Variants in GRIP1 observed in about 807,000 individuals in gnomAD.
GRIP1 encodes glutamate receptor interacting protein 1.
GRIP1 carries 45 observed loss-of-function variants against 129.9 expected under a neutral mutation model. That is an observed-to-expected ratio of 0.35 (90% CI 0.27 to 0.44). GRIP1 has a LOEUF of 0.44. Among genes scored for constraint, GRIP1 ranks in the 20% least tolerant of loss-of-function variants. The pLI, the probability that GRIP1 is intolerant of heterozygous loss-of-function variation, is 1.00. For synonymous variants in GRIP1, 530 were observed against 520.8 expected (o/e 1.02, Z -0.24); for missense variants, 1,196 against 1,396.8 (o/e 0.86, Z 2.29).
intron 1 of GRIP1, among the ~76,000 whole-genome samples, chr12:66,856,630 C>T (rs2137099020): frequency 6.6e-6 from 1 of 151,818 alleles, no homozygotes. Flanking sequence ...AAATGCTCAT[C>T]ATCACTGGCC....
At chr12:66,919,415 A>T (rs1285184976) in intron 1 of GRIP1, among the ~76,000 whole-genome samples, 1 of 152,186 alleles carries the variant, frequency 6.6e-6, no homozygotes, top group East Asian at 1.9e-4. Context: ...TCATGTAAAG[A>T]GCAAGGTGGA....
At position 66,465,751 on chromosome 12, in the gene GRIP1, C is replaced by T. The variant is rs185540243; in HGVS notation, c.725-329G>A. Among the ~76,000 whole-genome samples the T allele has an allele frequency of 3.0e-4, 46 of 152,242 alleles. 1 individual carries two copies. The highest frequency in any genetic ancestry group is 1.0e-3 in the African/African-American group (43 of 41,538). On this transcript the variant is annotated intron_variant, in intron 7 of 24. Coordinates refer to ENST00000359742, the MANE Select transcript of GRIP1 (RefSeq NM_001366722.1). Reference sequence around the variant, plus strand: ...GCACAATGCCGAGCATATACTAGGTCTCTCAGTAAAGGTTTTTTAAATTAA... The same window carrying T: ...GCACAATGCCGAGCATATACTAGGTTTCTCAGTAAAGGTTTTTTAAATTAA...
chr12:66,890,243 A>C (rs1469801312), intron 1 of GRIP1, among the ~76,000 whole-genome samples: 2 of 152,174 alleles, frequency 1.3e-5, no homozygotes, highest in Admixed American at 1.3e-4. Flanking sequence ...CAGAGAACTT[A>C]AAATGCTCGT....
At chr12:66,443,366 T>C (rs912548999) in intron 13 of GRIP1, among the ~76,000 whole-genome samples, 1 of 152,196 alleles carries the variant, frequency 6.6e-6, no homozygotes, top group Admixed American at 6.5e-5. Flanking sequence ...CCTCTGGCTA[T>C]AAATTCCCAA....
At position 66,493,857 on chromosome 12, in the gene GRIP1, A is replaced by C. The variant is rs1317229029; in HGVS notation, c.724+21762T>G. On this transcript the variant is annotated intron_variant, in intron 7 of 24. Coordinates refer to ENST00000359742, the MANE Select transcript of GRIP1 (RefSeq NM_001366722.1). ...GAACACAGACTCTAAATTGGGAGTA[A>C]ACCTGTGTTCCTTTTCCTGGGCTGC... Among the ~76,000 whole-genome samples the C allele has an allele frequency of 2.0e-5, 3 of 152,262 alleles. No individual in the cohort carries two copies. In the East Asian group the frequency reaches 5.8e-4, roughly 29 times the overall value.
intron 1 of GRIP1, among the ~76,000 whole-genome samples, chr12:66,974,853 G>C (rs1204920228): frequency 6.6e-6 from 1 of 152,062 alleles, no homozygotes; most frequent in African/African-American, 2.4e-5. Flanking sequence ...GACGTAAAAG[G>C]GATCCTCGAA....
chr12:66,725,325 C>T (rs946423559), intron 1 of GRIP1, among the ~76,000 whole-genome samples: 1 of 151,726 alleles, frequency 6.6e-6, no homozygotes, highest in Non-Finnish European at 1.5e-5. Flanking sequence ...AAATCGAAAA[C>T]AAACAAAAAT....
At chr12:66,398,371 C>G (rs1430245560) in intron 16 of GRIP1, among the ~76,000 whole-genome samples, 6 of 151,972 alleles carry the variant, frequency 3.9e-5, no homozygotes, top group East Asian at 1.9e-4. Context: ...TCCCCCATCC[C>G]AATCCAATCT....
At chr12:66,561,366 G>C (rs2062521649) in intron 2 of GRIP1, among the ~76,000 whole-genome samples, 1 of 152,130 alleles carries the variant, frequency 6.6e-6, no homozygotes, top group African/African-American at 2.4e-5. Context: ...ATAAGTGCTT[G>C]AGGTGATGGA....
intron 1 of GRIP1, among the ~76,000 whole-genome samples, chr12:66,837,938 A>G (rs1261055022): frequency 6.6e-6 from 1 of 152,202 alleles, no homozygotes; most frequent in African/African-American, 2.4e-5. Context: ...CCACACCTGT[A>G]ATCCCAGCAC....
intron 1 of GRIP1, among the ~76,000 whole-genome samples, chr12:67,047,920 T>C (rs1449164462): frequency 1.3e-5 from 2 of 152,206 alleles, no homozygotes; most frequent in East Asian, 3.8e-4. Context: ...GCCTCTTTTT[T>C]ATAAAGCTTT....
intron 1 of GRIP1, among the ~76,000 whole-genome samples, chr12:66,735,065 C>T (rs1378070056): frequency 7.9e-5 from 12 of 152,162 alleles, no homozygotes. Flanking sequence ...TGTCCTTGCA[C>T]AGTTTCTCCA....
chr12:66,394,110 A>G (rs2056699459), intron 17 of GRIP1, 98 bp downstream of exon 17: 10 of 1,188,070 alleles, frequency 8.4e-6, no homozygotes, highest in Non-Finnish European at 1.3e-5. Context: ...TTAAAAGCCA[A>G]CAGATAACCA....
chr12:66,748,255 G>A (rs1033938334), intron 1 of GRIP1, among the ~76,000 whole-genome samples: 23 of 152,250 alleles, frequency 1.5e-4, no homozygotes, highest in African/African-American at 3.4e-4. Flanking sequence ...GACCTCAAGT[G>A]ATCCGCCCAC....
At chr12:66,601,289 C>G (rs1176719041) in intron 1 of GRIP1, among the ~76,000 whole-genome samples, 1 of 152,180 alleles carries the variant, frequency 6.6e-6, no homozygotes, top group African/African-American at 2.4e-5. Flanking sequence ...ACCTAAGGAG[C>G]AATGCTTCAC....
rs1018619690 is a variant in GRIP1 at position 66,613,097 on chromosome 12, A to C, written c.56-16170T>G. 3.3e-5 allele frequency among the ~76,000 whole-genome samples: 5 copies of C among 152,258 alleles called. 1 individual carries two copies. Among genetic ancestry groups the C allele is most frequent in the Non-Finnish European group, 7.4e-5 (5 of 68,014 alleles). On this transcript the variant is annotated intron_variant, in intron 1 of 24. Transcript: ENST00000359742. The stretch of plus-strand genomic sequence containing the variant: ...ACACAAGAAACCTATTAAGTATAAA[A>C]CTTATCTTTAAAATATAATATGGTA...
At chr12:66,541,725 T>C in intron 3 of GRIP1, 90 bp downstream of exon 3, 2 of 1,332,624 alleles carry the variant, frequency 1.5e-6, no homozygotes. Context: ...CTGTCATTTA[T>C]TTATTAGTGA....
chr12:67,025,118 A>C (rs1105245), intron 1 of GRIP1, among the ~76,000 whole-genome samples: 92,086 of 151,988 alleles, frequency 0.61, 28,328 homozygotes, highest in East Asian at 0.86. Context: ...GCAGGCAGAT[A>C]ACTTGAGGTC....
chr12:67,003,960 C>T (rs1225502002), intron 1 of GRIP1, among the ~76,000 whole-genome samples: 4 of 152,132 alleles, frequency 2.6e-5, no homozygotes. Flanking sequence ...TCTTTCAGCT[C>T]CTAGTAGCTG....
Sources: allele counts gnomAD v4.1 joint callset (sites outside exome capture counted in the v4.1 genomes callset), GRCh38; gene constraint gnomAD v4.1.1; transcripts MANE v1.5; gene names NCBI Gene and HGNC (gene_info 2026-07-23, HGNC 2026-07-21).